MACROD2: variants seen among roughly 807,000 people sequenced by gnomAD.
MACROD2 encodes ADP-ribose glycohydrolase MACROD2.
MACROD2 carries 36 observed loss-of-function variants against 70.4 expected under a neutral mutation model. The observed-to-expected ratio is 0.51, with a 90% CI of 0.39 to 0.68. The LOEUF (loss-of-function observed/expected upper bound fraction) is 0.68. Among genes scored for constraint, MACROD2 ranks in the 30% least tolerant of loss-of-function variants. The pLI is 0.00. For synonymous variants in MACROD2, 172 were observed against 178.8 expected, an observed-to-expected ratio of 0.96 and a Z score of 0.30; for missense variants, 496 against 538.4, an observed-to-expected ratio of 0.92 and a Z score of 0.78.
At chr20:14,927,212 G>A (rs1439340101) in intron 5 of MACROD2, among the ~76,000 whole-genome samples, 1 of 152,150 alleles carries the variant, frequency 6.6e-6, no homozygotes, top group Non-Finnish European at 1.5e-5. Context: ...AAAAAATGTT[G>A]TTACAGCTGA....
intron 4 of MACROD2, among the ~76,000 whole-genome samples, chr20:14,553,519 G>A (rs1260919859): frequency 6.8e-6 from 1 of 146,690 alleles, no homozygotes; most frequent in African/African-American, 2.5e-5. Flanking sequence ...CAATTATTAT[G>A]TACTGTAAAT....
intron 3 of MACROD2, among the ~76,000 whole-genome samples, chr20:14,173,470 TA>T (rs753592508): frequency 6.7e-6 from 1 of 150,182 alleles, no homozygotes; most frequent in Admixed American, 6.7e-5. Flanking sequence ...AAGTTGTGAT[TA>T]TTTTTTATTT....
intron 2 of MACROD2, among the ~76,000 whole-genome samples, chr20:14,003,240 C>T (rs1442734904): frequency 6.6e-6 from 1 of 152,154 alleles, no homozygotes. Context: ...CATGGAATTC[C>T]TATGGATAAA....
intron 5 of MACROD2, among the ~76,000 whole-genome samples, chr20:14,826,139 AT>A (rs2072900029): frequency 6.6e-6 from 1 of 152,048 alleles, no homozygotes; most frequent in East Asian, 1.9e-4. Context: ...AGAAGGAGAA[AT>A]TCATTGAATA....
chr20:14,632,358 T>C (rs2123475329), intron 4 of MACROD2, among the ~76,000 whole-genome samples: 1 of 152,328 alleles, frequency 6.6e-6, no homozygotes, highest in Non-Finnish European at 1.5e-5. Context: ...GTTTTCTTTA[T>C]GGAACTCTTT....
intron 7 of MACROD2, among the ~76,000 whole-genome samples, chr20:15,486,610 G>A (rs532258160): frequency 6.6e-6 from 1 of 152,204 alleles, no homozygotes; most frequent in South Asian, 2.1e-4. Flanking sequence ...CTAAAGCCAG[G>A]GTTTCTCTTG....
At chr20:14,746,697 G>A (rs1231911647) in intron 5 of MACROD2, among the ~76,000 whole-genome samples, 1 of 152,050 alleles carries the variant, frequency 6.6e-6, no homozygotes, top group African/African-American at 2.4e-5. Context: ...AGGCCTTTTG[G>A]GAATACTTTT....
At chr20:14,701,550 A>C (rs1272389995) in intron 5 of MACROD2, among the ~76,000 whole-genome samples, 2 of 152,196 alleles carry the variant, frequency 1.3e-5, no homozygotes, top group African/African-American at 4.8e-5. Context: ...TGCACTGCAC[A>C]GTAAATGACA....
chr20:15,403,977 T>C (rs1478698615), intron 6 of MACROD2, among the ~76,000 whole-genome samples: 2 of 152,210 alleles, frequency 1.3e-5, no homozygotes, highest in African/African-American at 2.4e-5. Context: ...GCAATTTTCA[T>C]TCATTAAAGA....
intron 10 of MACROD2, among the ~76,000 whole-genome samples, chr20:15,904,276 C>G (rs1055762453): frequency 4.6e-5 from 7 of 152,032 alleles, no homozygotes; most frequent in Non-Finnish European, 7.4e-5. Flanking sequence ...GCCTCGGCCT[C>G]CCAAAGTGCT....
At chr20:14,724,541 G>A (rs535906684) in intron 5 of MACROD2, among the ~76,000 whole-genome samples, 90 of 152,256 alleles carry the variant, frequency 5.9e-4, no homozygotes, top group African/African-American at 2.0e-3. Context: ...ATAGGATTGG[G>A]CACTATATTA....
At chr20:14,550,222 C>T (rs1339291291) in intron 4 of MACROD2, among the ~76,000 whole-genome samples, 1 of 152,092 alleles carries the variant, frequency 6.6e-6, no homozygotes, top group Non-Finnish European at 1.5e-5. Flanking sequence ...TGCACCCAGC[C>T]CAATTACACC....
chr20:14,822,568 T>A (rs1239447233), intron 5 of MACROD2, among the ~76,000 whole-genome samples: 1 of 152,106 alleles, frequency 6.6e-6, no homozygotes, highest in African/African-American at 2.4e-5. Flanking sequence ...AGGAAAACAA[T>A]TGAACTTTGG....
At chr20:14,293,581 G>A (rs2082403202) in intron 3 of MACROD2, among the ~76,000 whole-genome samples, 1 of 151,878 alleles carries the variant, frequency 6.6e-6, no homozygotes, top group African/African-American at 2.4e-5. Context: ...GGGCTGGGGA[G>A]TGGTAAGGTG....
intron 3 of MACROD2, among the ~76,000 whole-genome samples, chr20:14,206,116 G>T (rs564048451): frequency 6.6e-6 from 1 of 152,184 alleles, no homozygotes; most frequent in African/African-American, 2.4e-5. Flanking sequence ...GAGTGGGGTT[G>T]TATGCTATTG....
chr20:15,875,931 A>G (rs1204746214), intron 9 of MACROD2, among the ~76,000 whole-genome samples: 4 of 151,638 alleles, frequency 2.6e-5, no homozygotes, highest in Non-Finnish European at 5.9e-5. Context: ...ATGCAGGGGA[A>G]AAAAAAGTCT....
intron 3 of MACROD2, among the ~76,000 whole-genome samples, chr20:14,382,032 T>G (rs968194016): frequency 1.3e-4 from 20 of 151,810 alleles, no homozygotes; most frequent in African/African-American, 4.8e-4. Flanking sequence ...TTGTTTGTTT[T>G]GGTACCACAT....
chr20:14,972,583 T>C (rs780740700), intron 5 of MACROD2, among the ~76,000 whole-genome samples: 22 of 152,218 alleles, frequency 1.4e-4, no homozygotes, highest in Non-Finnish European at 3.2e-4. Context: ...GGAATTCTTT[T>C]GTTTAATGGT....
intron 8 of MACROD2, among the ~76,000 whole-genome samples, chr20:15,565,682 C>G (rs1038018422): frequency 6.6e-6 from 1 of 152,136 alleles, no homozygotes; most frequent in East Asian, 1.9e-4. Flanking sequence ...GCGGCACTAT[C>G]GTAGCTTACT....
Sources: allele counts gnomAD v4.1 joint callset (sites outside exome capture counted in the v4.1 genomes callset), GRCh38; gene constraint gnomAD v4.1.1; transcripts MANE v1.5; gene names NCBI Gene and HGNC (gene_info 2026-07-23, HGNC 2026-07-21).